Variants in TBR1 observed in about 807,000 individuals in gnomAD.
The protein encoded by TBR1 is T-box brain transcription factor 1.
In TBR1, 7 loss-of-function variants were observed where a neutral mutation model predicts 60.3. The observed-to-expected ratio is 0.12, with a 90% CI of 0.07 to 0.22. The LOEUF (loss-of-function observed/expected upper bound fraction) is 0.22. Among genes scored for constraint, TBR1 ranks in the 10% least tolerant of loss-of-function variants. The pLI is 1.00. For synonymous variants in TBR1, 417 were observed against 409.9 expected (o/e 1.02, Z -0.21); for missense variants, 616 against 936.8 (o/e 0.66, Z 4.47).
rs1684289050 is a variant in TBR1, at chr2:161,424,382, G to A, written c.*155G>A. On this transcript the variant is annotated 3_prime_UTR_variant, in exon 6 of 6. Transcript: ENST00000389554. This position sits in a 1 kb window ranked among gnomAD's most constrained non-coding sequence, Gnocchi z 4.4. ...CTGCAGCGAATAAGTGCAGGTCTCC[G>A]AGCGTGATTTTAACCTTTTTTGCAC... 2.3e-6 allele frequency: 2 copies of A among 858,206 alleles called. No individual in the cohort carries two copies. The highest frequency in any genetic ancestry group is 1.9e-5 in the South Asian group (1 of 53,108). The allele number at this position is 858,206 out of a possible 1,614,324, so 53.2% of individuals were successfully genotyped here. A position where few individuals can be genotyped will look rare whatever the true frequency, so the allele number is the denominator to read the frequency against.
chr2:161,423,799 G>A lies in TBR1; in HGVS notation c.1621G>A (p.Asp541Asn). The change falls in exon 6 of 6, where the codon GAC becomes AAC. Residue 541 changes from aspartate (D) to asparagine (N), a missense_variant. Physicochemically the swap from Asp to Asn is conservative, Grantham distance 23. Around this residue, in one of 8 missense-constraint regions of TBR1, gnomAD observed 210 missense variants for 297.4 expected, o/e 0.71. Transcript: ENST00000389554. ...TGGCCGCCCGCTCGGCTACTACGCC[G>A]ACCCGTCGGGCTGGGGCGCCCGCAG... ...CTGRPLGYYA[D>N]PSGWGARSPP... is the part of the protein sequence containing the mutation. 6.8e-7 allele frequency: 1 copy of A among 1,477,312 alleles called. No individual in the cohort carries two copies. The highest frequency in any genetic ancestry group is 2.3e-5 in the Admixed American group (1 of 44,252). 91.5% of individuals were successfully genotyped at this position (1,477,312 alleles called of 1,614,324 possible). A position where few individuals can be genotyped will look rare whatever the true frequency, so the allele number is the denominator to read the frequency against.
At chr2:161,418,442 A>T in intron 3 of TBR1, 120 bp downstream of exon 3, 1 of 1,368,976 alleles carries the variant, frequency 7.3e-7, no homozygotes, top group South Asian at 1.6e-5. Flanking sequence ...CATTAAAAAG[A>T]CTTAAAAATT....
chr2:161,423,739 G>A lies in TBR1; in HGVS notation c.1561G>A (p.Val521Met). ...GCTGCTCTCTTACGCGGCGGCGGGC[G>A]TGAAGGCGCTGCCGCTGCAGGCTGC... The part of the protein sequence containing the change: ...ATLLSYAAAG[V>M]KALPLQAAGC... Residue 521 changes from valine to methionine, a missense_variant, in exon 6 of 6, where the codon GTG becomes ATG. Physicochemically the swap from Val to Met is conservative, Grantham distance 21. Transcript: ENST00000389554. The A allele has an allele frequency of 1.3e-6, 2 of 1,513,704 alleles. No individual in the cohort carries two copies. The highest frequency in any genetic ancestry group is 1.8e-6 in the Non-Finnish European group (2 of 1,138,624). 93.8% of individuals were successfully genotyped at this position (1,513,704 alleles called of 1,614,324 possible).
chr2:161,424,241 G>T lies in TBR1; in HGVS notation c.*14G>T, dbSNP rs868241260. ...TCGCACAGCTAGGCCGCCCCTGCCCGCCCGGCCCCGCCGCGGCCCGGACCC... is the reference window on the plus strand; with the variant it reads ...TCGCACAGCTAGGCCGCCCCTGCCCTCCCGGCCCCGCCGCGGCCCGGACCC... On this transcript the variant is annotated 3_prime_UTR_variant, in exon 6 of 6. Transcript: ENST00000389554. This position sits in a 1 kb window ranked among gnomAD's most constrained non-coding sequence, Gnocchi z 4.4. 3 of 1,531,622 alleles carry T rather than the reference G, an allele frequency of 2.0e-6. No homozygotes were observed. Among genetic ancestry groups the T allele is most frequent in the Non-Finnish European group, 2.6e-6 (3 of 1,132,504 alleles). 94.9% of individuals were successfully genotyped at this position (1,531,622 alleles called of 1,614,324 possible). A position where few individuals can be genotyped will look rare whatever the true frequency, so the allele number is the denominator to read the frequency against.
chr2:161,418,697 G>C, intron 3 of TBR1, 195 bp from the exon 4 acceptor site: 2 of 727,608 alleles, frequency 2.7e-6, no homozygotes, highest in Non-Finnish European at 4.2e-6. Context: ...GCTTATCTTC[G>C]CTCCCAGAGG....
chr2:161,421,802 A>C (rs572015520), intron 5 of TBR1: 1 of 152,274 alleles, frequency 6.6e-6, no homozygotes, highest in East Asian at 1.9e-4. Context: ...AATTTTGTGC[A>C]CTAAACAGAA....
At position 161,424,539 on chromosome 2, in the gene TBR1, CTCTT is replaced by C. The variant is rs1380809358; in HGVS notation, c.*317_*320del. 3.3e-6 allele frequency: 1 copy of C among 305,174 alleles called. No homozygotes were observed. Among genetic ancestry groups the C allele is most frequent in the African/African-American group, 2.1e-5 (1 of 46,576 alleles). 18.9% of individuals were successfully genotyped at this position (305,174 alleles called of 1,614,324 possible). On this transcript the variant is annotated 3_prime_UTR_variant, in exon 6 of 6. Transcript: ENST00000389554. The surrounding 1 kb of genome is among the most constrained non-coding windows in gnomAD (Gnocchi z 4.4). ...CTCGTCTTTCTCTTACCTCCTACTT[CTCTT>C]TCTTGTAATGAAACTCTTCACCTTT...
At position 161,417,194 on chromosome 2, in the gene TBR1, T is replaced by G; in HGVS notation, c.692+92T>G. Reference sequence around the variant, plus strand: ...CTGCCGCGGCAGCGACGATTTGGGGTCGGGAGCGGAGTGGAAGGCGCCCTA... The same window carrying G: ...CTGCCGCGGCAGCGACGATTTGGGGGCGGGAGCGGAGTGGAAGGCGCCCTA... On this transcript the variant is annotated intron_variant, in intron 1 of 5. Coordinates refer to ENST00000389554, the MANE Select transcript of TBR1 (RefSeq NM_006593.4). This position sits in a 1 kb window ranked among gnomAD's most constrained non-coding sequence, Gnocchi z 5.3. 7.2e-7 allele frequency: 1 copy of G among 1,380,640 alleles called. No individual in the cohort carries two copies. The allele number at this position is 1,380,640 out of a possible 1,614,324, so 85.5% of individuals were successfully genotyped here. A position where few individuals can be genotyped will look rare whatever the true frequency, so the allele number is the denominator to read the frequency against.
chr2:161,423,558 C>T lies in TBR1; in HGVS notation c.1380C>T (p.Ser460=). The T allele has an allele frequency of 1.3e-6, 2 of 1,557,848 alleles. No homozygotes were observed. Among genetic ancestry groups the T allele is most frequent in the African/African-American group, 1.4e-5 (1 of 70,856 alleles). ...GAGPGPGTDR[S]VPHTNGLLSP... is the part of the protein sequence containing the mutation. ...GCCCCGGGCCGGGTACGGACCGCAG[C>T]GTGCCGCACACCAACGGGCTGCTGT... The change falls in exon 6 of 6, where the codon AGC becomes AGT. Residue 460 remains serine (S), a synonymous_variant. Transcript: ENST00000389554.
rs1424283569 is a variant in TBR1 at position 161,425,672 on chromosome 2, C to T, written c.*1445C>T. ...ATTCCAGTCCATGGGGGGATTTTTC[C>T]TAATAGGAATTCAGGGTCTAAACGT... On this transcript the variant is annotated 3_prime_UTR_variant, in exon 6 of 6. Coordinates refer to ENST00000389554, the MANE Select transcript of TBR1 (RefSeq NM_006593.4). The T allele has an allele frequency of 2.0e-5, 3 of 152,064 alleles. No homozygotes were observed. The highest frequency in any genetic ancestry group is 1.3e-4 in the Admixed American group (2 of 15,270). The allele number at this position is 152,064 out of a possible 1,614,324, so 9.4% of individuals were successfully genotyped here.
At chr2:161,420,303 C>T (rs1684207747) in intron 5 of TBR1, 46 bp downstream of exon 5, 3 of 1,530,022 alleles carry the variant, frequency 2.0e-6, no homozygotes, top group Non-Finnish European at 2.7e-6. Context: ...TGGAATTGGG[C>T]TTTAGGTCAA....
At chr2:161,421,935 T>TACACACACAC (rs1291347475) in intron 5 of TBR1, 1 of 30,384 alleles carries the variant, frequency 3.3e-5, no homozygotes, top group African/African-American at 1.7e-4. Context: ...CTTCTTTATC[T>TACACACACAC]ATACACACAC....
Position 161,417,881 on chromosome 2 carries a change from G to C in TBR1, c.847+51G>C. ...TCTTGACACTTATTTAGGTGAGAAT[G>C]ATTAATTAAAGCCTTTGTGGACTGG... On this transcript the variant is annotated intron_variant, in intron 2 of 5. Transcript: ENST00000389554. The surrounding 1 kb of genome is among the most constrained non-coding windows in gnomAD (Gnocchi z 5.3). The C allele has an allele frequency of 6.3e-7, 1 of 1,595,562 alleles. No individual in the cohort carries two copies. Among genetic ancestry groups the C allele is most frequent in the Middle Eastern group, 1.7e-4 (1 of 5,986 alleles).
chr2:161,417,221 A>G lies in TBR1; in HGVS notation c.692+119A>G. ...GGGAGCGGAGTGGAAGGCGCCCTAGAGTTGGCTAGTTTTGGAAAGGGGGAA... is the reference window on the plus strand; with the variant it reads ...GGGAGCGGAGTGGAAGGCGCCCTAGGGTTGGCTAGTTTTGGAAAGGGGGAA... On this transcript the variant is annotated intron_variant, in intron 1 of 5. Transcript: ENST00000389554. The surrounding 1 kb of genome is among the most constrained non-coding windows in gnomAD (Gnocchi z 5.3). The G allele has an allele frequency of 9.5e-7, 1 of 1,056,502 alleles. No homozygotes were observed. Among genetic ancestry groups the G allele is most frequent in the East Asian group, 2.6e-5 (1 of 38,102 alleles). 65.4% of individuals were successfully genotyped at this position (1,056,502 alleles called of 1,614,324 possible).
In TBR1 at chr2:161,424,360, C is replaced by A; in HGVS notation, c.*133C>A. Reference sequence around the variant, plus strand: ...TTATTTGACCCTCGATGGCCGTCTGCAGCGAATAAGTGCAGGTCTCCGAGC... The same window carrying A: ...TTATTTGACCCTCGATGGCCGTCTGAAGCGAATAAGTGCAGGTCTCCGAGC... On this transcript the variant is annotated 3_prime_UTR_variant, in exon 6 of 6. Coordinates refer to ENST00000389554, the MANE Select transcript of TBR1 (RefSeq NM_006593.4). This position sits in a 1 kb window ranked among gnomAD's most constrained non-coding sequence, Gnocchi z 4.4. 1 of 1,036,192 alleles carries A rather than the reference C, an allele frequency of 9.7e-7. No individual in the cohort carries two copies. The allele number at this position is 1,036,192 out of a possible 1,614,324, so 64.2% of individuals were successfully genotyped here.
In TBR1 at chr2:161,417,983, G is replaced by C; in HGVS notation, c.847+153G>C. The C allele has an allele frequency of 1.4e-6, 2 of 1,452,936 alleles. No homozygotes were observed. Among genetic ancestry groups the C allele is most frequent in the Non-Finnish European group, 1.8e-6 (2 of 1,102,950 alleles). The allele number at this position is 1,452,936 out of a possible 1,614,324, so 90.0% of individuals were successfully genotyped here. A position where few individuals can be genotyped will look rare whatever the true frequency, so the allele number is the denominator to read the frequency against. ...GGGACAGGGGGACAGACTGAGCTGC[G>C]AGAAGGGGGAGGATTATGCAAAAGC... On this transcript the variant is annotated intron_variant, in intron 2 of 5. Coordinates refer to ENST00000389554, the MANE Select transcript of TBR1 (RefSeq NM_006593.4). The surrounding 1 kb of genome is among the most constrained non-coding windows in gnomAD (Gnocchi z 5.3).
chr2:161,423,679 G>T lies in TBR1; in HGVS notation c.1501G>T (p.Asp501Tyr). The change falls in exon 6 of 6, where the codon GAC becomes TAC. Residue 501 changes from aspartate (D) to tyrosine (Y), a missense_variant. Transcript: ENST00000389554. ...GCTGGACTTCGCGGCCTCGGCCTAT[G>T]ACACGGCCACGGACTTCGCGGGCAA... The part of the protein sequence containing the change: ...NRLDFAASAY[D>Y]TATDFAGNAA... The T allele has an allele frequency of 6.5e-7, 1 of 1,545,530 alleles. No individual in the cohort carries two copies. The highest frequency in any genetic ancestry group is 1.2e-5 in the South Asian group (1 of 83,876).
At chr2:161,423,313 C>A in intron 5 of TBR1, 56 bp from the exon 6 acceptor site, 1 of 1,163,548 alleles carries the variant, frequency 8.6e-7, no homozygotes. Context: ...CACCCCCACC[C>A]CAAGGGACCT....
Position 161,417,988 on chromosome 2 carries a change from G to C in TBR1, c.847+158G>C. 2.8e-6 allele frequency: 4 copies of C among 1,452,130 alleles called. No individual in the cohort carries two copies. Among genetic ancestry groups the C allele is most frequent in the Non-Finnish European group, 3.6e-6 (4 of 1,102,828 alleles). The allele number at this position is 1,452,130 out of a possible 1,614,324, so 90.0% of individuals were successfully genotyped here. A position where few individuals can be genotyped will look rare whatever the true frequency, so the allele number is the denominator to read the frequency against. ...AGGGGGACAGACTGAGCTGCGAGAA[G>C]GGGGAGGATTATGCAAAAGCTATTT... On this transcript the variant is annotated intron_variant, in intron 2 of 5. Transcript: ENST00000389554. The surrounding 1 kb of genome is among the most constrained non-coding windows in gnomAD (Gnocchi z 5.3).
Sources: allele counts gnomAD v4.1 joint callset, GRCh38; gene constraint gnomAD v4.1.1; regional missense constraint gnomAD v4.1.1; non-coding constraint Gnocchi (gnomAD v3.1); transcripts MANE v1.5; gene names NCBI Gene and HGNC (gene_info 2026-07-23, HGNC 2026-07-21).